FMNL2: variants seen among roughly 807,000 people sequenced by gnomAD.
The protein encoded by FMNL2 is formin-like protein 2.
A neutral mutation model predicts 130.2 loss-of-function variants in FMNL2; 51 were observed. That is an observed-to-expected ratio of 0.39 (90% CI 0.31 to 0.49). The LOEUF (loss-of-function observed/expected upper bound fraction) is 0.49, where lower values mean the gene tolerates loss of function less well. FMNL2 is among the 20% of genes least tolerant of loss of function. The pLI is 0.85. For missense variants in FMNL2, 977 were observed against 1,316.2 expected, an observed-to-expected ratio of 0.74 and a Z score of 3.99; for synonymous variants, 465 against 467.1, an observed-to-expected ratio of 1.00 and a Z score of 0.06.
chr2:152,536,091 A>G (rs1481575001), intron 2 of FMNL2, among the ~76,000 whole-genome samples: 1 of 152,184 alleles, frequency 6.6e-6, no homozygotes, highest in Non-Finnish European at 1.5e-5. Context: ...GTTAGGGCTT[A>G]CCTCAGGCCC....
chr2:152,630,725 A>G (rs897624859), intron 20 of FMNL2, among the ~76,000 whole-genome samples: 2 of 152,198 alleles, frequency 1.3e-5, no homozygotes, highest in African/African-American at 4.8e-5. Context: ...AGGCTAGGAA[A>G]TAAGGGAGGG....
At chr2:152,360,155 G>A (rs73005031) in intron 1 of FMNL2, among the ~76,000 whole-genome samples, 8,907 of 152,176 alleles carry the variant, frequency 0.059, 816 homozygotes, top group African/African-American at 0.19. Context: ...GGGGGTTTTC[G>A]AAGCCACAAA....
chr2:152,338,206 C>A (rs963027294), intron 1 of FMNL2, among the ~76,000 whole-genome samples: 1 of 152,042 alleles, frequency 6.6e-6, no homozygotes, highest in Admixed American at 6.6e-5. Flanking sequence ...TTATTGATAC[C>A]AGTTCAACTT....
intron 1 of FMNL2, among the ~76,000 whole-genome samples, chr2:152,337,238 G>T (rs1198322926): frequency 2.0e-5 from 3 of 152,278 alleles, no homozygotes; most frequent in African/African-American, 7.2e-5. Flanking sequence ...AACTCTCAAG[G>T]CGGCCTGGGT....
chr2:152,447,127 C>G (rs1336832764), intron 1 of FMNL2, among the ~76,000 whole-genome samples: 1 of 149,262 alleles, frequency 6.7e-6, no homozygotes, highest in African/African-American at 2.5e-5. Flanking sequence ...AGACAAGTTT[C>G]TTACTTTGTT....
At chr2:152,395,226 A>G (rs1158860262) in intron 1 of FMNL2, among the ~76,000 whole-genome samples, 1 of 152,190 alleles carries the variant, frequency 6.6e-6, no homozygotes, top group Non-Finnish European at 1.5e-5. Flanking sequence ...AAATGTCTGT[A>G]TATTCAGCTG....
intron 9 of FMNL2, among the ~76,000 whole-genome samples, chr2:152,602,556 G>T (rs1290965345): frequency 6.6e-6 from 1 of 152,030 alleles, no homozygotes; most frequent in Non-Finnish European, 1.5e-5. Context: ...TTATTGATTT[G>T]GAAACTGGTA....
At chr2:152,465,116 A>C (rs755802557) in intron 1 of FMNL2, among the ~76,000 whole-genome samples, 6 of 152,250 alleles carry the variant, frequency 3.9e-5, no homozygotes, top group Non-Finnish European at 8.8e-5. Flanking sequence ...AGCCCTGCGC[A>C]AGTAGTGAAC....
chr2:152,391,551 G>A (rs1363475887), intron 1 of FMNL2, among the ~76,000 whole-genome samples: 1 of 151,970 alleles, frequency 6.6e-6, no homozygotes, highest in Non-Finnish European at 1.5e-5. Flanking sequence ...TAGGAATAGA[G>A]CTGTGTGCCA....
chr2:152,618,828 C>G lies in FMNL2; in HGVS notation c.1315-18C>G. On this transcript the variant is annotated intron_variant, in intron 13 of 25. Coordinates refer to ENST00000288670, the MANE Select transcript of FMNL2 (RefSeq NM_052905.4). ...ATGTTATGTGAAGATAAACTCTTGA[C>G]CTTGGACTTTATTGCAGGAAATCTA... 1.3e-6 allele frequency: 2 copies of G among 1,568,352 alleles called. No homozygotes were observed. Among genetic ancestry groups the G allele is most frequent in the Non-Finnish European group, 1.7e-6 (2 of 1,158,526 alleles).
intron 1 of FMNL2, among the ~76,000 whole-genome samples, chr2:152,376,834 T>C (rs1560312112): frequency 6.6e-6 from 1 of 152,170 alleles, no homozygotes; most frequent in Non-Finnish European, 1.5e-5. Context: ...TTATCTTGTG[T>C]TTGGTTAGGA....
intron 1 of FMNL2, among the ~76,000 whole-genome samples, chr2:152,410,461 G>A (rs1304714511): frequency 6.6e-6 from 1 of 152,198 alleles, no homozygotes; most frequent in African/African-American, 2.4e-5. Context: ...GTCTGTTCAT[G>A]GTCAGAGTTC....
At chr2:152,593,860 A>AGAGTGTGTGT (rs1365489869) in intron 9 of FMNL2, among the ~76,000 whole-genome samples, 79 of 113,336 alleles carry the variant, frequency 7.0e-4, no homozygotes, top group African/African-American at 1.6e-3. Context: ...AGAGAGAGAG[A>AGAGTGTGTGT]GTGTGTGTGT....
chr2:152,637,765 AGTTC>A, intron 23 of FMNL2, 91 bp downstream of exon 23: 2 of 1,137,312 alleles, frequency 1.8e-6, no homozygotes, highest in Non-Finnish European at 2.6e-6. Flanking sequence ...GAGGCCTCCC[AGTTC>A]CTGTGGACAG....
At chr2:152,355,775 T>C (rs1223966521) in intron 1 of FMNL2, among the ~76,000 whole-genome samples, 1 of 152,248 alleles carries the variant, frequency 6.6e-6, no homozygotes, top group Non-Finnish European at 1.5e-5. Flanking sequence ...AGTAGTTTTA[T>C]TTTCTACAAC....
chr2:152,601,642 C>A (rs1402125488), intron 9 of FMNL2, among the ~76,000 whole-genome samples: 2 of 146,716 alleles, frequency 1.4e-5, no homozygotes, highest in African/African-American at 5.0e-5. Context: ...GTAGTATTAT[C>A]TAAGGCTCTC....
At chr2:152,613,810 A>ATCAC (rs1158387352) in intron 11 of FMNL2, among the ~76,000 whole-genome samples, 6 of 152,324 alleles carry the variant, frequency 3.9e-5, no homozygotes, top group Admixed American at 3.9e-4. Flanking sequence ...TATTATTCTA[A>ATCAC]TCACTCATCT....
chr2:152,382,905 A>G (rs1438311290), intron 1 of FMNL2, among the ~76,000 whole-genome samples: 3 of 152,204 alleles, frequency 2.0e-5, no homozygotes, highest in East Asian at 1.9e-4. Context: ...ACAAGATTAT[A>G]ATAGAGCTGA....
rs184759419 is a variant in FMNL2, at chr2:152,415,476, C to T, written c.117+79756C>T. Among the ~76,000 whole-genome samples, 12 of 152,250 alleles carry T rather than the reference C, an allele frequency of 7.9e-5. No individual in the cohort carries two copies. In the South Asian group the frequency reaches 8.3e-4, roughly 11 times the overall value. On this transcript the variant is annotated intron_variant, in intron 1 of 25. Transcript: ENST00000288670. Reference sequence around the variant, plus strand: ...TGTTTCCTAAAGCTGTTTTTGAAAACGGTGACTCACTCTACAGATATGATT... The same window carrying T: ...TGTTTCCTAAAGCTGTTTTTGAAAATGGTGACTCACTCTACAGATATGATT...
Sources: gnomAD v4.1 joint callset for allele counts (sites outside exome capture counted in the v4.1 genomes callset) on GRCh38, gnomAD v4.1.1 for gene constraint, MANE v1.5 for transcripts, NCBI Gene and HGNC (gene_info 2026-07-23, HGNC 2026-07-21) for gene names.